The following AKR1C8 variants were observed in gnomAD, a reference collection of about 807,000 sequenced individuals.
The protein encoded by AKR1C8 is aldo-keto reductase family 1 member C-like protein 1.
the AKR1C8 span, among the ~76,000 whole-genome samples, chr10:5,170,943 G>C: frequency 5.3e-5 from 8 of 152,014 alleles, no homozygotes; most frequent in Non-Finnish European, 4.4e-5. Flanking sequence ...TTTGTTTATG[G>C]GAGTAAACTA....
chr10:5,178,075 G>A, the AKR1C8 span, among the ~76,000 whole-genome samples: 1 of 152,056 alleles, frequency 6.6e-6, no homozygotes, highest in Non-Finnish European at 1.5e-5. Context: ...TGATGTTAGG[G>A]TGTCAATTTT....
At chr10:5,146,534 A>T in the AKR1C8 span, among the ~76,000 whole-genome samples, 16 of 152,294 alleles carry the variant, frequency 1.1e-4, no homozygotes, top group Admixed American at 5.9e-4. Flanking sequence ...AAGTGCTAAT[A>T]GTTTACAATA....
the AKR1C8 span, among the ~76,000 whole-genome samples, chr10:5,141,718 G>A: frequency 6.6e-6 from 1 of 152,070 alleles, no homozygotes; most frequent in African/African-American, 2.4e-5. Flanking sequence ...TATTTTGAAA[G>A]GAATCTCTAT....
the AKR1C8 span, among the ~76,000 whole-genome samples, chr10:5,144,487 T>C: frequency 6.6e-6 from 1 of 151,608 alleles, no homozygotes; most frequent in Non-Finnish European, 1.5e-5. Flanking sequence ...TTCACGATAT[T>C]GATTCTTCCT....
the AKR1C8 span, among the ~76,000 whole-genome samples, chr10:5,145,144 T>C: frequency 3.5e-4 from 53 of 152,238 alleles, no homozygotes; most frequent in African/African-American, 1.2e-3. Flanking sequence ...GGTTTTTGTC[T>C]TTGGCTCTGT....
the AKR1C8 span, among the ~76,000 whole-genome samples, chr10:5,157,449 A>G: frequency 6.6e-6 from 1 of 152,206 alleles, no homozygotes; most frequent in Non-Finnish European, 1.5e-5. Flanking sequence ...AGCCAAGCCT[A>G]GAGATGATAA....
At chr10:5,126,523 G>C in the AKR1C8 span, among the ~76,000 whole-genome samples, 1 of 151,954 alleles carries the variant, frequency 6.6e-6, no homozygotes, top group Non-Finnish European at 1.5e-5. Context: ...AACCACATTG[G>C]GTACTTCATT....
chr10:5,165,333 A>G, the AKR1C8 span, among the ~76,000 whole-genome samples: 5 of 152,196 alleles, frequency 3.3e-5, no homozygotes, highest in African/African-American at 9.7e-5. Flanking sequence ...TTCTACCTGG[A>G]AAAAATCTGG....
At chr10:5,131,954 C>A in the AKR1C8 span, among the ~76,000 whole-genome samples, 1 of 152,084 alleles carries the variant, frequency 6.6e-6, no homozygotes. Context: ...TTGACCAATG[C>A]ATGAATAATG....
At chr10:5,138,855 G>C in the AKR1C8 span, among the ~76,000 whole-genome samples, 4 of 152,124 alleles carry the variant, frequency 2.6e-5, no homozygotes, top group African/African-American at 9.7e-5. Context: ...ATTAGGAAAA[G>C]AGGAAGTCAA....
the AKR1C8 span, chr10:5,157,881 T>C: frequency 2.6e-6 from 1 of 390,228 alleles, no homozygotes; most frequent in Non-Finnish European, 5.3e-6. Context: ...CCCCAAATTC[T>C]CCAGAGAGTT....
At chr10:5,161,954 G>A in the AKR1C8 span, 616 of 533,628 alleles carry the variant, frequency 1.2e-3, 5 homozygotes, top group African/African-American at 9.2e-3. Context: ...AATTCTGCCC[G>A]AAAGAAAGTA....
chr10:5,138,371 A>G, the AKR1C8 span, among the ~76,000 whole-genome samples: 36 of 152,256 alleles, frequency 2.4e-4, no homozygotes, highest in South Asian at 2.7e-3. Context: ...TTGCACGTCC[A>G]TTTATAGGCT....
the AKR1C8 span, among the ~76,000 whole-genome samples, chr10:5,164,408 T>A: frequency 6.6e-6 from 1 of 152,014 alleles, no homozygotes; most frequent in Admixed American, 6.6e-5. Context: ...TGGTGGTAAG[T>A]CAAAAAACTT....
chr10:5,127,548 G>T, the AKR1C8 span, among the ~76,000 whole-genome samples: 2 of 151,748 alleles, frequency 1.3e-5, no homozygotes, highest in African/African-American at 4.8e-5. Context: ...GTGAAACCCA[G>T]TCTCTACTAA....
the AKR1C8 span, among the ~76,000 whole-genome samples, chr10:5,176,466 T>G: frequency 6.7e-6 from 1 of 150,012 alleles, no homozygotes. Flanking sequence ...TGCAGGCTCT[T>G]TTTTGGTTCC....
At chr10:5,142,634 G>A in the AKR1C8 span, among the ~76,000 whole-genome samples, 1 of 152,076 alleles carries the variant, frequency 6.6e-6, no homozygotes, top group Non-Finnish European at 1.5e-5. Flanking sequence ...AAAGAGATAG[G>A]GGAACCACCT....
the AKR1C8 span, among the ~76,000 whole-genome samples, chr10:5,119,038 T>C: frequency 6.6e-6 from 1 of 152,162 alleles, no homozygotes; most frequent in Non-Finnish European, 1.5e-5. Context: ...CCAATAGGCA[T>C]TTACCAATTT....
At chr10:5,148,561 G>A in the AKR1C8 span, among the ~76,000 whole-genome samples, 1 of 152,122 alleles carries the variant, frequency 6.6e-6, no homozygotes, top group South Asian at 2.1e-4. Flanking sequence ...TGCAGGTCAG[G>A]TACAGAATGA....
Sources: gnomAD v4.1 joint callset for allele counts (sites outside exome capture counted in the v4.1 genomes callset) on GRCh38, gnomAD v4.1.1 for gene constraint, MANE v1.5 for transcripts, NCBI Gene and HGNC (gene_info 2026-07-23, HGNC 2026-07-21) for gene names.